Variants in PICK1 observed in about 807,000 individuals in gnomAD.
The protein encoded by PICK1 is protein interacting with PRKCA 1.
A neutral mutation model predicts 48.9 loss-of-function variants in PICK1; 23 were observed. The observed-to-expected ratio is 0.47, with a 90% confidence interval of 0.34 to 0.67. The LOEUF (loss-of-function observed/expected upper bound fraction) is 0.67. Ranked by LOEUF, PICK1 falls within the 30% of genes least tolerant of loss-of-function variation. The pLI is 0.01. For synonymous variants in PICK1, 217 were observed against 228.2 expected, an observed-to-expected ratio of 0.95 and a Z score of 0.44; for missense variants, 423 against 557.1, an observed-to-expected ratio of 0.76 and a Z score of 2.42.
In PICK1 at chr22:38,074,328, C is replaced by A. The variant is rs768374079; in HGVS notation, c.856C>A (p.Arg286=). The change falls in exon 12 of 13, where the codon CGG becomes AGG. Residue 286 remains arginine, a synonymous_variant. Coordinates refer to ENST00000356976, the MANE Select transcript of PICK1 (RefSeq NM_012407.4). This position sits in a 1 kb window ranked among gnomAD's most constrained non-coding sequence, Gnocchi z 4.5. ...CCAGGCCCTAGGCGAGCCCCTTTACCGGGTGAGCACCGGCAACTATGAGTA... is the reference window on the plus strand; with the variant it reads ...CCAGGCCCTAGGCGAGCCCCTTTACAGGGTGAGCACCGGCAACTATGAGTA... ...SCIALGEPLY[R]VSTGNYEYRL... 6.2e-7 allele frequency: 1 copy of A among 1,612,802 alleles called. No individual in the cohort carries two copies. Among genetic ancestry groups the A allele is most frequent in the South Asian group, 1.1e-5 (1 of 91,076 alleles).
intron 3 of PICK1, among the ~76,000 whole-genome samples, chr22:38,064,129 C>T (rs888611041): frequency 3.9e-5 from 6 of 152,022 alleles, no homozygotes; most frequent in African/African-American, 1.4e-4. Flanking sequence ...ATGATCTCGG[C>T]TTACTACAAC....
intron 2 of PICK1, 74 bp from the exon 3 acceptor site, chr22:38,059,160 G>A (rs1569194500): frequency 9.5e-7 from 1 of 1,055,784 alleles, no homozygotes; most frequent in African/African-American, 1.6e-5. Flanking sequence ...GAGCCCCTCA[G>A]GAGTTTTAGA....
intron 2 of PICK1, 49 bp downstream of exon 2, chr22:38,057,899 C>T (rs1206672733): frequency 6.8e-7 from 1 of 1,465,826 alleles, no homozygotes; most frequent in Non-Finnish European, 9.6e-7. Flanking sequence ...GCCCCAAGTT[C>T]CTCATTTCCC....
At chr22:38,065,276 C>T in intron 4 of PICK1, 146 bp downstream of exon 4, 1 of 762,810 alleles carries the variant, frequency 1.3e-6, no homozygotes, top group South Asian at 1.5e-5. Context: ...GGGTCACACT[C>T]CAGCCTCCCT....
intron 8 of PICK1, 103 bp downstream of exon 8, chr22:38,071,847 C>T: frequency 1.0e-6 from 1 of 989,814 alleles, no homozygotes; most frequent in Non-Finnish European, 1.6e-6. Flanking sequence ...ACCTCAGGCT[C>T]CCTCTGGGCT....
chr22:38,072,163 C>T (rs906477132), intron 8 of PICK1, among the ~76,000 whole-genome samples: 2 of 152,190 alleles, frequency 1.3e-5, no homozygotes, highest in African/African-American at 4.8e-5. Context: ...CTGCCTCAGG[C>T]GGCGCCACCT....
chr22:38,070,841 G>A lies in PICK1; in HGVS notation c.443G>A (p.Gly148Glu). ...CCTCTTCTTTGAATCCCGACAGATGGGCTTGTCAAGAGGCTAGAGGAGCTG... is the reference window on the plus strand; with the variant it reads ...CCTCTTCTTTGAATCCCGACAGATGAGCTTGTCAAGAGGCTAGAGGAGCTG... Reference protein sequence around the residue: ...GLSRAILCNDGLVKRLEELER... With the variant: ...GLSRAILCNDELVKRLEELER... Residue 148 changes from glycine to glutamate, a missense_variant, in exon 7 of 13, where the codon GGG becomes GAG. By Grantham distance (98) the Gly-to-Glu change is moderately conservative. Around this residue, in one of 2 missense-constraint regions of PICK1, gnomAD observed 279 missense variants for 417.8 expected, o/e 0.67. Coordinates refer to ENST00000356976, the MANE Select transcript of PICK1 (RefSeq NM_012407.4). The A allele has an allele frequency of 6.2e-7, 1 of 1,613,952 alleles. No homozygotes were observed. The highest frequency in any genetic ancestry group is 1.3e-5 in the African/African-American group (1 of 75,014).
In PICK1 at chr22:38,057,418, C is replaced by CCTGG; in HGVS notation, c.-226_-225insTGGC. On this transcript the variant is annotated 5_prime_UTR_variant, in exon 1 of 13. Transcript: ENST00000356976. Reference sequence around the variant, plus strand: ...GGAAGTGACGTGACAATCGCGGCCACCGCCAGGTGGAACGGCAGGTGGGTT... The same window carrying CCTGG: ...GGAAGTGACGTGACAATCGCGGCCACCTGGCGCCAGGTGGAACGGCAGGTGGGTT... 4.1e-6 allele frequency: 1 copy of CCTGG among 245,050 alleles called. No homozygotes were observed. Among genetic ancestry groups the CCTGG allele is most frequent in the Non-Finnish European group, 8.0e-6 (1 of 124,934 alleles). The allele number at this position is 245,050 out of a possible 1,614,324, so 15.2% of individuals were successfully genotyped here.
At chr22:38,072,299 T>C (rs1240892267) in intron 8 of PICK1, among the ~76,000 whole-genome samples, 178 bp from the exon 9 acceptor site, 1 of 152,104 alleles carries the variant, frequency 6.6e-6, no homozygotes. Context: ...TCCAGTTTCC[T>C]CCAGGTGTAG....
In PICK1 at chr22:38,074,056, A is replaced by G; in HGVS notation, c.834+233A>G. 1 of 630,818 alleles carries G rather than the reference A, an allele frequency of 1.6e-6. No individual in the cohort carries two copies. Among genetic ancestry groups the G allele is most frequent in the Non-Finnish European group, 2.8e-6 (1 of 362,522 alleles). 39.1% of individuals were successfully genotyped at this position (630,818 alleles called of 1,614,324 possible). A position where few individuals can be genotyped will look rare whatever the true frequency, so the allele number is the denominator to read the frequency against. On this transcript the variant is annotated intron_variant, in intron 11 of 12. Transcript: ENST00000356976. The surrounding 1 kb of genome is among the most constrained non-coding windows in gnomAD (Gnocchi z 4.5). ...CTTGGAGGGAAATCGGATTTTCTTCACTCCTATGAGGCGCTTTTAAGTGTT... is the reference window on the plus strand; with the variant it reads ...CTTGGAGGGAAATCGGATTTTCTTCGCTCCTATGAGGCGCTTTTAAGTGTT...
intron 3 of PICK1, among the ~76,000 whole-genome samples, chr22:38,063,314 G>T (rs1250777664): frequency 6.6e-6 from 1 of 151,822 alleles, no homozygotes; most frequent in Non-Finnish European, 1.5e-5. Context: ...GCGCCACCAT[G>T]CCTGGCTCAT....
intron 1 of PICK1, 79 bp downstream of exon 1, chr22:38,057,666 C>A: frequency 1.8e-6 from 1 of 557,162 alleles, no homozygotes; most frequent in Non-Finnish European, 3.1e-6. Flanking sequence ...ACTGCTGTCC[C>A]GTATGAGGTG....
intron 3 of PICK1, among the ~76,000 whole-genome samples, chr22:38,060,773 G>C (rs1219311809): frequency 6.9e-6 from 1 of 144,102 alleles, no homozygotes; most frequent in Non-Finnish European, 1.5e-5. Context: ...TTTTGAGACA[G>C]AGTCTCACTG....
In PICK1 at chr22:38,065,037, A is replaced by G. The variant is rs750223558; in HGVS notation, c.189A>G (p.Thr63=). ...FDNTPAALDG[T]VAAGDEITGV... ...ACACCCCAGCAGCCTTGGACGGCACAGTGGCAGCTGGCGATGAGATCACCG... is the reference window on the plus strand; with the variant it reads ...ACACCCCAGCAGCCTTGGACGGCACGGTGGCAGCTGGCGATGAGATCACCG... Residue 63 remains threonine (T), a synonymous_variant, in exon 4 of 13, where the codon ACA becomes ACG. Transcript: ENST00000356976. 1.9e-6 allele frequency: 3 copies of G among 1,614,032 alleles called. No homozygotes were observed. Among genetic ancestry groups the G allele is most frequent in the South Asian group, 1.1e-5 (1 of 91,090 alleles).
At chr22:38,069,655 C>T (rs1218349807) in intron 6 of PICK1, among the ~76,000 whole-genome samples, 1 of 152,194 alleles carries the variant, frequency 6.6e-6, no homozygotes, top group African/African-American at 2.4e-5. Context: ...AGCAGCTCTG[C>T]AGTGTGCCTG....
chr22:38,059,781 C>G (rs1252144128), intron 3 of PICK1, among the ~76,000 whole-genome samples: 2 of 152,202 alleles, frequency 1.3e-5, no homozygotes, highest in Non-Finnish European at 2.9e-5. Flanking sequence ...AAGCTTCTTT[C>G]CTACTTACTA....
Position 38,066,913 on chromosome 22 carries a change from C to G in PICK1, c.283-791C>G, listed in dbSNP as rs965194965. Among the ~76,000 whole-genome samples the G allele has an allele frequency of 6.6e-6, 1 of 152,188 alleles. No homozygotes were observed. The highest frequency in any genetic ancestry group is 1.5e-5 in the Non-Finnish European group (1 of 68,034). On this transcript the variant is annotated intron_variant, in intron 4 of 12. Coordinates refer to ENST00000356976, the MANE Select transcript of PICK1 (RefSeq NM_012407.4). This position sits in a 1 kb window ranked among gnomAD's most constrained non-coding sequence, Gnocchi z 4.1. ...AAGTGGTTTGTGTAATTCCCTGATT[C>G]GCATCAGCCTTGCGGGGCTGGGGCT... is the stretch of plus-strand genomic sequence containing the variant.
In PICK1 at chr22:38,066,936, G is replaced by GCTGCCC. The variant is rs561265664; in HGVS notation, c.283-759_283-754dup. ...TTCGCATCAGCCTTGCGGGGCTGGGGCTGCCCCTGCCCCTCCCCTTGGTGC... is the reference window on the plus strand; with the variant it reads ...TTCGCATCAGCCTTGCGGGGCTGGGGCTGCCCCTGCCCCTGCCCCTCCCCTTGGTGC... On this transcript the variant is annotated intron_variant, in intron 4 of 12. Transcript: ENST00000356976. This position sits in a 1 kb window ranked among gnomAD's most constrained non-coding sequence, Gnocchi z 4.1. 2.6e-4 allele frequency among the ~76,000 whole-genome samples: 39 copies of GCTGCCC among 152,318 alleles called. No homozygotes were observed. In the East Asian group the frequency reaches 5.8e-3, roughly 23 times the overall value.
At chr22:38,058,089 G>A (rs1453217857) in intron 2 of PICK1, 3 of 580,932 alleles carry the variant, frequency 5.2e-6, no homozygotes, top group East Asian at 5.9e-5. Context: ...GACAAGAAGA[G>A]CAAAGCAGAT....
Sources: gnomAD v4.1 joint callset for allele counts (sites outside exome capture counted in the v4.1 genomes callset) on GRCh38, gnomAD v4.1.1 for gene constraint, gnomAD v4.1.1 regional missense constraint, Gnocchi (gnomAD v3.1) non-coding constraint, MANE v1.5 for transcripts, NCBI Gene and HGNC (gene_info 2026-07-23, HGNC 2026-07-21) for gene names.